NAALADL2: variants seen among roughly 807,000 people sequenced by gnomAD.
NAALADL2 encodes N-acetylated alpha-linked acidic dipeptidase like 2.
NAALADL2 carries 76 observed loss-of-function variants against 87.2 expected under a neutral mutation model. The observed-to-expected ratio is 0.87, with a 90% confidence interval of 0.72 to 1.05. The LOEUF (loss-of-function observed/expected upper bound fraction) is 1.05. Among genes scored for constraint, NAALADL2 ranks in the 50% least tolerant of loss-of-function variants. NAALADL2 has a pLI of 0.00. For missense variants in NAALADL2, 1,089 were observed against 945.8 expected (o/e 1.15, Z -1.99); for synonymous variants, 354 against 331.0 (o/e 1.07, Z -0.75).
chr3:175,610,693 G>A (rs1193346107), intron 10 of NAALADL2, among the ~76,000 whole-genome samples: 2 of 151,990 alleles, frequency 1.3e-5, no homozygotes, highest in East Asian at 3.9e-4. Context: ...TTCTGATAAA[G>A]ATTCAGAGAC....
intron 11 of NAALADL2, among the ~76,000 whole-genome samples, chr3:175,652,548 G>C (rs566648263): frequency 6.9e-6 from 1 of 144,746 alleles, no homozygotes; most frequent in South Asian, 2.2e-4. Flanking sequence ...GTGCCATCTC[G>C]GCTCACTGCA....
intron 6 of NAALADL2, among the ~76,000 whole-genome samples, chr3:175,461,192 G>T (rs951497635): frequency 6.6e-6 from 1 of 151,866 alleles, no homozygotes; most frequent in Admixed American, 6.6e-5. Flanking sequence ...GCTGATTGGT[G>T]CATTTTTACA....
intron 1 of NAALADL2, among the ~76,000 whole-genome samples, chr3:174,991,907 A>T (rs1222414290): frequency 3.3e-5 from 5 of 152,224 alleles, no homozygotes; most frequent in African/African-American, 1.2e-4. Flanking sequence ...TTGAAAATCC[A>T]TAGGAGTTTT....
At chr3:175,631,813 T>G (rs1422039487) in intron 11 of NAALADL2, among the ~76,000 whole-genome samples, 1 of 151,990 alleles carries the variant, frequency 6.6e-6, no homozygotes, top group Non-Finnish European at 1.5e-5. Context: ...ATAGGCTTAT[T>G]TCTCCTTCCA....
intron 11 of NAALADL2, among the ~76,000 whole-genome samples, chr3:175,719,555 G>T (rs1053948337): frequency 1.3e-5 from 2 of 152,144 alleles, no homozygotes; most frequent in African/African-American, 4.8e-5. Flanking sequence ...AATGCAAACT[G>T]CTTTACAGTA....
At chr3:174,533,492 G>T (rs1243065358) in intron 1 of NAALADL2, among the ~76,000 whole-genome samples, 2 of 152,068 alleles carry the variant, frequency 1.3e-5, no homozygotes, top group Non-Finnish European at 2.9e-5. Flanking sequence ...ATCCCATCCA[G>T]CAAGGGTAGT....
chr3:175,564,258 C>A (rs1218881011), intron 9 of NAALADL2, among the ~76,000 whole-genome samples: 1 of 152,074 alleles, frequency 6.6e-6, no homozygotes, highest in East Asian at 1.9e-4. Flanking sequence ...AAACTTTTCC[C>A]TGGTATCTAG....
At chr3:175,704,384 A>G (rs1176859166) in intron 11 of NAALADL2, among the ~76,000 whole-genome samples, 3 of 152,200 alleles carry the variant, frequency 2.0e-5, no homozygotes, top group Non-Finnish European at 4.4e-5. Flanking sequence ...AAAGCCATAC[A>G]TATAATACTT....
chr3:175,427,568 A>G (rs925474630), intron 5 of NAALADL2, among the ~76,000 whole-genome samples: 2 of 152,184 alleles, frequency 1.3e-5, no homozygotes, highest in South Asian at 2.1e-4. Context: ...GATAACACAA[A>G]TAAGATTTTA....
In NAALADL2 at chr3:175,806,198, C is replaced by A. The variant is rs1754687949; in HGVS notation, c.*2995C>A. 6.6e-6 allele frequency: 1 copy of A among 150,658 alleles called. No individual in the cohort carries two copies. The highest frequency in any genetic ancestry group is 2.1e-4 in the South Asian group (1 of 4,820). The allele number at this position is 150,658 out of a possible 1,614,324, so 9.3% of individuals were successfully genotyped here. The stretch of plus-strand genomic sequence containing the variant: ...TAGTTCATTCTCTGACTGTACCTGA[C>A]AAACAAAACTCTCCCCGAGAATTCA... On this transcript the variant is annotated 3_prime_UTR_variant, in exon 14 of 14. Coordinates refer to ENST00000454872, the MANE Select transcript of NAALADL2 (RefSeq NM_207015.3).
At chr3:174,471,694 C>T (rs1422362860) in intron 1 of NAALADL2, among the ~76,000 whole-genome samples, 1 of 151,960 alleles carries the variant, frequency 6.6e-6, no homozygotes, top group African/African-American at 2.4e-5. Context: ...TAAACTTGGG[C>T]AGGTTGCTTT....
At chr3:175,375,145 T>A (rs947414500) in intron 5 of NAALADL2, among the ~76,000 whole-genome samples, 14 of 152,304 alleles carry the variant, frequency 9.2e-5, no homozygotes, top group African/African-American at 3.4e-4. Context: ...GCTGTTTGTT[T>A]ATTCTTATAG....
chr3:175,444,577 C>T (rs145686259), intron 5 of NAALADL2, among the ~76,000 whole-genome samples: 37 of 152,330 alleles, frequency 2.4e-4, no homozygotes, highest in Middle Eastern at 6.8e-3. Flanking sequence ...AGAGTCCCCT[C>T]TCCAAAGGGC....
chr3:175,262,626 A>C (rs924069915), intron 4 of NAALADL2, among the ~76,000 whole-genome samples: 1 of 146,620 alleles, frequency 6.8e-6, no homozygotes, highest in Non-Finnish European at 1.5e-5. Context: ...TGTATGTATG[A>C]GCACTGATAT....
intron 11 of NAALADL2, among the ~76,000 whole-genome samples, chr3:175,667,161 AAAAGAAAG>A (rs1285556271): frequency 7.0e-6 from 1 of 142,696 alleles, no homozygotes; most frequent in Admixed American, 7.0e-5. Flanking sequence ...GAGAGAAAGA[AAAAGAAAG>A]AAAGAAAGAA....
chr3:175,325,573 A>G (rs1228475661), intron 5 of NAALADL2, among the ~76,000 whole-genome samples: 1 of 152,172 alleles, frequency 6.6e-6, no homozygotes, highest in Non-Finnish European at 1.5e-5. Flanking sequence ...CAGTGAACTC[A>G]CTGTGGCAAG....
chr3:174,512,544 G>A (rs548679959), intron 1 of NAALADL2, among the ~76,000 whole-genome samples: 292 of 152,130 alleles, frequency 1.9e-3, no homozygotes, highest in African/African-American at 6.7e-3. Context: ...CTCACACGTC[G>A]GCAGATCAAT....
intron 9 of NAALADL2, among the ~76,000 whole-genome samples, chr3:175,504,134 A>T (rs1729938659): frequency 6.6e-6 from 1 of 152,196 alleles, no homozygotes; most frequent in Admixed American, 6.5e-5. Context: ...TTAATCTTCT[A>T]CATATGGCTA....
rs1716871652 is a variant in NAALADL2, at chr3:174,787,593, A to ACG, written c.-9+49847_-9+49848insCG. On this transcript the variant is annotated intron_variant, in intron 3 of 3. Transcript: ENST00000434257. ...TATATCATCATATATATATATATAT[A>ACG]TATATATATATATATATATATATAT... 7.3e-5 allele frequency among the ~76,000 whole-genome samples: 5 copies of ACG among 68,500 alleles called. 1 individual carries two copies. Among genetic ancestry groups the ACG allele is most frequent in the Non-Finnish European group, 3.2e-5 (1 of 31,084 alleles). 44.9% of individuals were successfully genotyped at this position (68,500 alleles called of 152,430 possible). A position where few individuals can be genotyped will look rare whatever the true frequency, so the allele number is the denominator to read the frequency against.
Sources: allele counts gnomAD v4.1 joint callset (sites outside exome capture counted in the v4.1 genomes callset), GRCh38; gene constraint gnomAD v4.1.1; transcripts MANE v1.5; gene names NCBI Gene and HGNC (gene_info 2026-07-23, HGNC 2026-07-21).